KRAS: variants seen among roughly 807,000 people sequenced by gnomAD.
The protein encoded by KRAS is KRas proto-oncogene, GTPase, also known as GTPase KRas.
A neutral mutation model predicts 21.0 loss-of-function variants in KRAS; 1 was observed. That is an observed-to-expected ratio of 0.05 (90% CI 0.02 to 0.23). KRAS has a LOEUF of 0.23. Among genes scored for constraint, KRAS ranks in the 10% least tolerant of loss-of-function variants. The probability of loss-of-function intolerance (pLI) is 1.00; values close to 1 mark genes in which losing one functional copy is unlikely to be tolerated. For missense variants in KRAS, 107 were observed against 221.8 expected, an observed-to-expected ratio of 0.48 and a Z score of 3.29; for synonymous variants, 67 against 72.5, an observed-to-expected ratio of 0.92 and a Z score of 0.39.
chr12:25,206,037 CAGAT>C lies in KRAS; in HGVS notation c.*3754_*3757del, dbSNP rs886049180. On this transcript the variant is annotated 3_prime_UTR_variant, in exon 5 of 5. Coordinates refer to ENST00000311936, the MANE Select transcript of KRAS (RefSeq NM_004985.5). Reference sequence around the variant, plus strand: ...TTACTTTTTGACAAATGGAAATCTTCAGATAGTTTTTGCTGTCTAAAAAAAAATC... The same window carrying C: ...TTACTTTTTGACAAATGGAAATCTTCAGTTTTTGCTGTCTAAAAAAAAATC... 3.4e-5 allele frequency: 7 copies of C among 206,650 alleles called. No individual in the cohort carries two copies. Among genetic ancestry groups the C allele is most frequent in the African/African-American group, 9.1e-5 (4 of 43,866 alleles). The allele number at this position is 206,650 out of a possible 1,614,324, so 12.8% of individuals were successfully genotyped here. A position where few individuals can be genotyped will look rare whatever the true frequency, so the allele number is the denominator to read the frequency against.
intron 2 of KRAS, among the ~76,000 whole-genome samples, chr12:25,240,077 A>T (rs61761092): frequency 0.015 from 2,348 of 152,256 alleles, 42 homozygotes; most frequent in Middle Eastern, 0.062. Flanking sequence ...ACCTATAGAA[A>T]AGTAGTAAAA....
chr12:25,246,643 AC>A lies in KRAS; in HGVS notation c.-11-1249del, dbSNP rs1313691445. Among the ~76,000 whole-genome samples, 5 of 152,170 alleles carry A rather than the reference AC, an allele frequency of 3.3e-5. No individual in the cohort carries two copies. The East Asian group carries it at 9.7e-4, about 29-fold the overall frequency. ...GTTAAGAGATGCAAGTGAGCCGGGC[AC>A]GGTGGCTCACGCCTATAATCCTAGC... On this transcript the variant is annotated intron_variant, in intron 1 of 4. Coordinates refer to ENST00000311936, the MANE Select transcript of KRAS (RefSeq NM_004985.5).
intron 2 of KRAS, among the ~76,000 whole-genome samples, chr12:25,238,549 C>A (rs1025493895): frequency 5.9e-5 from 9 of 152,168 alleles, no homozygotes; most frequent in Non-Finnish European, 1.0e-4. Context: ...GTGCCCTTTT[C>A]TCTCTCCAAA....
At chr12:25,224,538 A>C (rs993940650) in intron 4 of KRAS, among the ~76,000 whole-genome samples, 2 of 152,196 alleles carry the variant, frequency 1.3e-5, no homozygotes, top group African/African-American at 2.4e-5. Context: ...CTGTATTACA[A>C]AAGTCAAAAT....
At chr12:25,235,620 G>A (rs1188652734) in intron 2 of KRAS, among the ~76,000 whole-genome samples, 1 of 152,132 alleles carries the variant, frequency 6.6e-6, no homozygotes, top group Non-Finnish European at 1.5e-5. Context: ...AAGTACAATG[G>A]TGGCACACAG....
chr12:25,222,073 C>T (rs1054585206), intron 4 of KRAS, among the ~76,000 whole-genome samples: 4 of 150,944 alleles, frequency 2.6e-5, no homozygotes, highest in Admixed American at 6.6e-5. Flanking sequence ...GGTGTGAACC[C>T]GGGAGGCGGA....
chr12:25,238,746 CCAA>C (rs1951573539), intron 2 of KRAS, among the ~76,000 whole-genome samples: 1 of 152,180 alleles, frequency 6.6e-6, no homozygotes, highest in Admixed American at 6.5e-5. Context: ...CCTAATATTT[CCAA>C]CAACTATGTA....
At chr12:25,226,229 G>A (rs981694248) in intron 3 of KRAS, among the ~76,000 whole-genome samples, 1 of 152,032 alleles carries the variant, frequency 6.6e-6, no homozygotes, top group Non-Finnish European at 1.5e-5. Flanking sequence ...TTGATTTCTA[G>A]GTAGGCAACA....
Position 25,206,386 on chromosome 12 carries a change from C to G in KRAS, c.*3409G>C, listed in dbSNP as rs1951138688. ...TAATGCCTAAGTCTATGTAATTTAG[C>G]TTTTTTTAAAAAAACTTCAACAAGG... On this transcript the variant is annotated 3_prime_UTR_variant, in exon 5 of 5. Coordinates refer to ENST00000311936, the MANE Select transcript of KRAS (RefSeq NM_004985.5). 1 of 205,764 alleles carries G rather than the reference C, an allele frequency of 4.9e-6. No homozygotes were observed. 12.7% of individuals were successfully genotyped at this position (205,764 alleles called of 1,614,324 possible).
In KRAS at chr12:25,245,286, A is replaced by T. The variant is rs2135805765; in HGVS notation, c.99T>A (p.Asp33Glu). Residue 33 changes from aspartate to glutamate, a missense_variant, in exon 2 of 5, where the codon GAT becomes GAA. Physicochemically the swap from Asp to Glu is conservative, Grantham distance 45. This residue lies in a region of KRAS where 42 missense variants were observed against 139.4 expected (regional missense o/e 0.30). Transcript: ENST00000311936. Reference sequence around the variant, plus strand: ...AAACAAGATTTACCTCTATTGTTGGATCATATTCGTCCACAAAATGATTCT... The same window carrying T: ...AAACAAGATTTACCTCTATTGTTGGTTCATATTCGTCCACAAAATGATTCT... ...LIQNHFVDEYDPTIEDSYRKQ... is the reference protein window; with the variant it reads ...LIQNHFVDEYEPTIEDSYRKQ... 6.2e-7 allele frequency: 1 copy of T among 1,609,232 alleles called. No homozygotes were observed. The highest frequency in any genetic ancestry group is 8.5e-7 in the Non-Finnish European group (1 of 1,177,042).
At chr12:25,242,338 ACTAC>A (rs1336763346) in intron 2 of KRAS, among the ~76,000 whole-genome samples, 1 of 152,168 alleles carries the variant, frequency 6.6e-6, no homozygotes, top group African/African-American at 2.4e-5. Flanking sequence ...GATCTCTGTA[ACTAC>A]CTACATTTTT....
At chr12:25,242,742 T>C (rs1306394562) in intron 2 of KRAS, among the ~76,000 whole-genome samples, 2 of 152,152 alleles carry the variant, frequency 1.3e-5, no homozygotes, top group Admixed American at 1.3e-4. Context: ...AGTAAATATT[T>C]TCTTAATTTG....
intron 4 of KRAS, chr12:25,215,675 A>ACAGACAT (rs1272721855): frequency 2.4e-6 from 2 of 828,516 alleles, no homozygotes; most frequent in Non-Finnish European, 4.1e-6. Context: ...TTTTTTTTAA[A>ACAGACAT]CAGACATCAG....
At chr12:25,230,670 T>C (rs968010524) in intron 2 of KRAS, among the ~76,000 whole-genome samples, 2 of 152,236 alleles carry the variant, frequency 1.3e-5, no homozygotes, top group Non-Finnish European at 2.9e-5. Flanking sequence ...TTCTTTGTAC[T>C]AGATGCTATG....
chr12:25,234,821 C>T (rs1951523986), intron 2 of KRAS: 1 of 208,440 alleles, frequency 4.8e-6, no homozygotes, highest in Non-Finnish European at 9.7e-6. Flanking sequence ...TATGGGTTTT[C>T]CAACTCAGGC....
chr12:25,238,633 G>A (rs1348226433), intron 2 of KRAS, among the ~76,000 whole-genome samples: 1 of 152,078 alleles, frequency 6.6e-6, no homozygotes, highest in Non-Finnish European at 1.5e-5. Flanking sequence ...AAAGGATGAG[G>A]GAGTAATTTT....
rs1176961764 is a variant in KRAS at position 25,206,069 on chromosome 12, C to G, written c.*3726G>C. 4.8e-6 allele frequency: 1 copy of G among 209,258 alleles called. No individual in the cohort carries two copies. 13.0% of individuals were successfully genotyped at this position (209,258 alleles called of 1,614,324 possible). A position where few individuals can be genotyped will look rare whatever the true frequency, so the allele number is the denominator to read the frequency against. ...TTTTTGCTGTCTAAAAAAAAATCCC[C>G]TAAAAAAAGTTATATACTGTTTGAA... On this transcript the variant is annotated 3_prime_UTR_variant, in exon 5 of 5. Coordinates refer to ENST00000311936, the MANE Select transcript of KRAS (RefSeq NM_004985.5).
At chr12:25,230,768 T>C (rs1304700183) in intron 2 of KRAS, among the ~76,000 whole-genome samples, 1 of 151,402 alleles carries the variant, frequency 6.6e-6, no homozygotes, top group Non-Finnish European at 1.5e-5. Context: ...TTAAAGCATA[T>C]GGTATTTTCC....
rs188668197 is a variant in KRAS, at chr12:25,249,203, T to C, written c.-12+1548A>G. Among the ~76,000 whole-genome samples the C allele has an allele frequency of 4.1e-3, 624 of 152,304 alleles. 6 individuals carry two copies. Among genetic ancestry groups the C allele is most frequent in the African/African-American group, 0.014 (593 of 41,562 alleles). On this transcript the variant is annotated intron_variant, in intron 1 of 4. Coordinates refer to ENST00000311936, the MANE Select transcript of KRAS (RefSeq NM_004985.5). The stretch of plus-strand genomic sequence containing the variant: ...CGAGGTCAGGAGTTCTAGACCAGCC[T>C]GACCAACATGGTGAAACCCCCGTCT...
Sources: allele counts gnomAD v4.1 joint callset (sites outside exome capture counted in the v4.1 genomes callset), GRCh38; gene constraint gnomAD v4.1.1; regional missense constraint gnomAD v4.1.1; transcripts MANE v1.5; gene names NCBI Gene and HGNC (gene_info 2026-07-23, HGNC 2026-07-21).